The following NHSL1 variants were observed in gnomAD, a reference collection of about 807,000 sequenced individuals.
NHSL1 encodes the protein NHS like 1, also known as NHS-like protein 1.
NHSL1 carries 48 observed loss-of-function variants against 95.0 expected under a neutral mutation model. The ratio of observed to expected loss-of-function variants is 0.51; its 90% CI spans 0.40 to 0.64. The LOEUF (loss-of-function observed/expected upper bound fraction) is 0.64. Ranked by LOEUF, NHSL1 falls within the 30% of genes least tolerant of loss-of-function variation. The pLI, the probability that NHSL1 is intolerant of heterozygous loss-of-function variation, is 0.00. For missense variants in NHSL1, 1,971 were observed against 2,077.7 expected, an observed-to-expected ratio of 0.95 and a Z score of 1.00; for synonymous variants, 783 against 833.9, an observed-to-expected ratio of 0.94 and a Z score of 1.05.
intron 1 of NHSL1, among the ~76,000 whole-genome samples, chr6:138,639,797 CAAAAAAAAA>C (rs56909767): frequency 1.3e-4 from 3 of 22,588 alleles, no homozygotes; most frequent in African/African-American, 3.5e-4. Flanking sequence ...GACTCAGTCT[CAAAAAAAAA>C]AAAAAAAAAA....
chr6:138,481,768 G>A (rs570783821), intron 2 of NHSL1, among the ~76,000 whole-genome samples: 6 of 152,172 alleles, frequency 3.9e-5, no homozygotes, highest in African/African-American at 1.2e-4. Flanking sequence ...ACAGGAATAT[G>A]TATAACAGCA....
At chr6:138,520,022 A>G (rs1781611466) in intron 1 of NHSL1, among the ~76,000 whole-genome samples, 1 of 152,132 alleles carries the variant, frequency 6.6e-6, no homozygotes, top group Non-Finnish European at 1.5e-5. Context: ...TTTTCCCATA[A>G]CCGTTGGCAT....
At chr6:138,480,139 A>T (rs1248419613) in intron 2 of NHSL1, among the ~76,000 whole-genome samples, 1 of 152,242 alleles carries the variant, frequency 6.6e-6, no homozygotes, top group African/African-American at 2.4e-5. Flanking sequence ...AGCAGCAGTC[A>T]TTCCTCTGTA....
chr6:138,597,976 G>A (rs980426859), intron 1 of NHSL1, among the ~76,000 whole-genome samples: 7 of 151,984 alleles, frequency 4.6e-5, no homozygotes, highest in Non-Finnish European at 8.8e-5. Context: ...AGCAGAGAAG[G>A]CGGTGCAGGT....
chr6:138,540,621 C>T (rs945841618), intron 1 of NHSL1, among the ~76,000 whole-genome samples: 4 of 152,164 alleles, frequency 2.6e-5, no homozygotes, highest in African/African-American at 4.8e-5. Flanking sequence ...CCAGGGTGCA[C>T]GATGACGAAG....
At chr6:138,531,394 T>A (rs1023607994) in intron 1 of NHSL1, among the ~76,000 whole-genome samples, 20 of 152,220 alleles carry the variant, frequency 1.3e-4, no homozygotes, top group African/African-American at 4.8e-4. Context: ...CAAGGCATGG[T>A]ATTCCAGGTA....
In NHSL1 at chr6:138,496,383, A is replaced by C. The variant is rs1191603441; in HGVS notation, c.59-12T>G. The C allele has an allele frequency of 6.5e-7, 1 of 1,549,788 alleles. No homozygotes were observed. Among genetic ancestry groups the C allele is most frequent in the South Asian group, 1.2e-5 (1 of 83,986 alleles). ...TAGGTTGGAAACCGCTATAGAAAAA[A>C]AGATAGAATACATTCAGGTGTCAAC... On this transcript the variant is annotated splice_polypyrimidine_tract_variant and intron_variant, in intron 1 of 7. Coordinates refer to ENST00000343505, the MANE Select transcript of NHSL1 (RefSeq NM_001144060.2).
chr6:138,690,902 TA>T (rs1198060428), intron 1 of NHSL1, among the ~76,000 whole-genome samples: 5 of 152,206 alleles, frequency 3.3e-5, no homozygotes, highest in Non-Finnish European at 1.5e-5. Flanking sequence ...GTGATACATT[TA>T]AATGTAAAAC....
chr6:138,661,763 G>T (rs1011903733), intron 1 of NHSL1, among the ~76,000 whole-genome samples: 1 of 152,060 alleles, frequency 6.6e-6, no homozygotes, highest in Non-Finnish European at 1.5e-5. Flanking sequence ...GCAGGAAAAA[G>T]ATTCTTTAAT....
At chr6:138,507,381 C>G (rs1230754874) in intron 1 of NHSL1, among the ~76,000 whole-genome samples, 1 of 152,128 alleles carries the variant, frequency 6.6e-6, no homozygotes, top group Non-Finnish European at 1.5e-5. Context: ...AATAACTTAT[C>G]AAATAATTAA....
At chr6:138,587,095 C>T (rs964095359) in intron 1 of NHSL1, among the ~76,000 whole-genome samples, 1 of 151,852 alleles carries the variant, frequency 6.6e-6, no homozygotes, top group African/African-American at 2.4e-5. Context: ...GTCTCAACCT[C>T]TCGAGTAACT....
intron 1 of NHSL1, among the ~76,000 whole-genome samples, chr6:138,638,781 T>C (rs1478285905): frequency 6.6e-6 from 1 of 152,170 alleles, no homozygotes; most frequent in Non-Finnish European, 1.5e-5. Context: ...TCCCAGCCAC[T>C]ATGGATCAAG....
intron 1 of NHSL1, among the ~76,000 whole-genome samples, chr6:138,641,986 T>C (rs1409169164): frequency 6.6e-6 from 1 of 152,214 alleles, no homozygotes; most frequent in Admixed American, 6.5e-5. Context: ...ATTTAAGGTA[T>C]CATGTTACAT....
intron 1 of NHSL1, among the ~76,000 whole-genome samples, chr6:138,655,982 C>G (rs773122037): frequency 3.9e-5 from 6 of 152,166 alleles, no homozygotes; most frequent in Non-Finnish European, 5.9e-5. Context: ...CTTACCTCCC[C>G]CAAAAAACCT....
chr6:138,444,931 T>C (rs1022587305), intron 4 of NHSL1, among the ~76,000 whole-genome samples: 2 of 152,236 alleles, frequency 1.3e-5, no homozygotes, highest in African/African-American at 4.8e-5. Context: ...AAAATGTTAA[T>C]CACTCGATTA....
At chr6:138,550,108 G>A (rs191894397), upstream of NHSL1, among the ~76,000 whole-genome samples, 67 of 152,056 alleles carry the variant, frequency 4.4e-4, no homozygotes, top group African/African-American at 1.4e-3. Context: ...GTGTGGTGTC[G>A]TACACCTGTA....
intron 1 of NHSL1, among the ~76,000 whole-genome samples, chr6:138,653,225 TG>T (rs1310661364): frequency 6.6e-6 from 1 of 152,122 alleles, no homozygotes; most frequent in Admixed American, 6.6e-5. Context: ...TCTAACTAGG[TG>T]ACATGTATTT....
chr6:138,476,470 GAAAT>G (rs1314360492), intron 2 of NHSL1, among the ~76,000 whole-genome samples: 2 of 152,122 alleles, frequency 1.3e-5, no homozygotes, highest in African/African-American at 4.8e-5. Flanking sequence ...CACACAGATG[GAAAT>G]AAATAGACAC....
chr6:138,437,437 C>CAA (rs1562270847), intron 5 of NHSL1, among the ~76,000 whole-genome samples: 4 of 37,354 alleles, frequency 1.1e-4, no homozygotes, highest in African/African-American at 4.5e-4. Context: ...CACACACACA[C>CAA]ACACACACAA....
Sources: allele counts gnomAD v4.1 joint callset (sites outside exome capture counted in the v4.1 genomes callset), GRCh38; gene constraint gnomAD v4.1.1; transcripts MANE v1.5; gene names NCBI Gene and HGNC (gene_info 2026-07-23, HGNC 2026-07-21).